KCNH8: variants seen among roughly 807,000 people sequenced by gnomAD.
KCNH8 encodes potassium voltage-gated channel subfamily H member 8.
A neutral mutation model predicts 103.6 loss-of-function variants in KCNH8; 70 were observed. The ratio of observed to expected loss-of-function variants is 0.68; its 90% CI spans 0.56 to 0.82. KCNH8 has a LOEUF of 0.82. Among genes scored for constraint, KCNH8 ranks in the 40% least tolerant of loss-of-function variants. The probability of loss-of-function intolerance (pLI) is 0.00; values close to 1 mark genes in which losing one functional copy is unlikely to be tolerated. For synonymous variants in KCNH8, 498 were observed against 489.4 expected (o/e 1.02, Z -0.23); for missense variants, 1,217 against 1,329.9 (o/e 0.92, Z 1.32).
intron 3 of KCNH8, among the ~76,000 whole-genome samples, chr3:19,315,994 A>G (rs2065268771): frequency 6.6e-6 from 1 of 152,058 alleles, no homozygotes; most frequent in Admixed American, 6.6e-5. Flanking sequence ...AAATTGAATT[A>G]TGTCTGATTG....
intron 1 of KCNH8, among the ~76,000 whole-genome samples, chr3:19,164,234 C>G (rs574411323): frequency 2.3e-4 from 35 of 152,254 alleles, no homozygotes; most frequent in Non-Finnish European, 4.9e-4. Flanking sequence ...CCAGAGAACC[C>G]TAAAGAGGCT....
At chr3:19,228,973 A>G (rs1036958868) in intron 1 of KCNH8, among the ~76,000 whole-genome samples, 2 of 152,260 alleles carry the variant, frequency 1.3e-5, no homozygotes, top group Non-Finnish European at 2.9e-5. Context: ...GGAACTCCAA[A>G]TCAGCATCTT....
chr3:19,243,973 G>A (rs1048393395), intron 1 of KCNH8, among the ~76,000 whole-genome samples: 2 of 152,110 alleles, frequency 1.3e-5, no homozygotes, highest in Non-Finnish European at 2.9e-5. Context: ...CTTTCAGTAG[G>A]CCAAATAAGA....
intron 11 of KCNH8, among the ~76,000 whole-genome samples, chr3:19,507,660 C>T (rs1479134848): frequency 1.3e-5 from 2 of 152,142 alleles, no homozygotes; most frequent in East Asian, 3.9e-4. Context: ...GTTGGAGTCC[C>T]AGGTCACAAG....
At chr3:19,435,124 T>A (rs1303661647) in intron 7 of KCNH8, among the ~76,000 whole-genome samples, 1 of 152,206 alleles carries the variant, frequency 6.6e-6, no homozygotes, top group Admixed American at 6.5e-5. Context: ...ATAACGTATA[T>A]GTATATCGAA....
Position 19,292,219 on chromosome 3 carries a change from G to A in KCNH8, c.442+10890G>A, listed in dbSNP as rs150850445. Among the ~76,000 whole-genome samples, 1,479 of 152,254 alleles carry A rather than the reference G, an allele frequency of 9.7e-3. 18 individuals carry two copies. Among genetic ancestry groups the A allele is most frequent in the Non-Finnish European group, 0.014 (965 of 68,024 alleles). ...TGGTTGATGCTGGCTTATTCATTATGTGATAACAACATCAGTTATCATAGA... is the reference window on the plus strand; with the variant it reads ...TGGTTGATGCTGGCTTATTCATTATATGATAACAACATCAGTTATCATAGA... On this transcript the variant is annotated intron_variant, in intron 3 of 15. Coordinates refer to ENST00000328405, the MANE Select transcript of KCNH8 (RefSeq NM_144633.3).
rs370077015 is a variant in KCNH8, at chr3:19,442,705, T to G, written c.1375+4344T>G. Among the ~76,000 whole-genome samples the G allele has an allele frequency of 2.0e-5, 3 of 152,330 alleles. No homozygotes were observed. The South Asian group carries it at 6.2e-4, about 32-fold the overall frequency. On this transcript the variant is annotated intron_variant, in intron 8 of 15. Transcript: ENST00000328405. ...AAAGTCAAATGCCATCTAAGTGACT[T>G]GAATTTATTAGTTAAAGCTTTTCAT...
intron 1 of KCNH8, among the ~76,000 whole-genome samples, chr3:19,237,713 T>A (rs1017702361): frequency 4.6e-5 from 7 of 152,194 alleles, no homozygotes; most frequent in Non-Finnish European, 8.8e-5. Context: ...GCAGTTAGTA[T>A]ATTAGCTCTG....
chr3:19,502,902 G>T (rs1321061631), intron 11 of KCNH8, among the ~76,000 whole-genome samples: 1 of 151,938 alleles, frequency 6.6e-6, no homozygotes, highest in African/African-American at 2.4e-5. Context: ...AAAAGCAATG[G>T]CAACAAAAGC....
At chr3:19,245,210 G>A (rs1268670210) in intron 1 of KCNH8, among the ~76,000 whole-genome samples, 1 of 152,102 alleles carries the variant, frequency 6.6e-6, no homozygotes, top group South Asian at 2.1e-4. Context: ...TTATTAAATA[G>A]GGGAGTCCCT....
intron 7 of KCNH8, among the ~76,000 whole-genome samples, chr3:19,400,869 G>T (rs143860325): frequency 6.6e-6 from 1 of 151,900 alleles, no homozygotes; most frequent in Non-Finnish European, 1.5e-5. Flanking sequence ...TAACTGCATC[G>T]GTTTTCCTAA....
intron 7 of KCNH8, among the ~76,000 whole-genome samples, chr3:19,434,993 G>T (rs1015054402): frequency 6.6e-6 from 1 of 151,756 alleles, no homozygotes; most frequent in African/African-American, 2.4e-5. Flanking sequence ...GGTTAATAAT[G>T]TATTTAAAAC....
chr3:19,480,315 A>G (rs903137040), intron 11 of KCNH8, among the ~76,000 whole-genome samples: 2 of 152,112 alleles, frequency 1.3e-5, no homozygotes, highest in African/African-American at 4.8e-5. Flanking sequence ...GGACTGAAAA[A>G]CCACTCAAAA....
At chr3:19,473,259 G>A (rs1007851392) in intron 11 of KCNH8, among the ~76,000 whole-genome samples, 2 of 152,220 alleles carry the variant, frequency 1.3e-5, no homozygotes, top group Non-Finnish European at 2.9e-5. Flanking sequence ...ATAACATTCA[G>A]TTTAATTTTC....
intron 15 of KCNH8, among the ~76,000 whole-genome samples, chr3:19,518,291 T>G (rs955988733): frequency 2.0e-5 from 3 of 152,176 alleles, no homozygotes. Flanking sequence ...AAGGGAAGAA[T>G]AATAATGCCT....
At chr3:19,206,496 A>C (rs2063718406) in intron 1 of KCNH8, among the ~76,000 whole-genome samples, 1 of 151,810 alleles carries the variant, frequency 6.6e-6, no homozygotes. Flanking sequence ...AAGACAATTA[A>C]AATGGTTCTA....
At chr3:19,493,651 A>G (rs1235631297) in intron 11 of KCNH8, among the ~76,000 whole-genome samples, 1 of 152,128 alleles carries the variant, frequency 6.6e-6, no homozygotes, top group East Asian at 1.9e-4. Flanking sequence ...TGGCAAATAC[A>G]GCATCTTTCT....
intron 3 of KCNH8, among the ~76,000 whole-genome samples, chr3:19,292,666 C>CAGG (rs1048946827): frequency 2.0e-5 from 3 of 152,174 alleles, no homozygotes; most frequent in African/African-American, 7.2e-5. Context: ...GGTGGGCACT[C>CAGG]AGGCTCTTTT....
At chr3:19,243,689 T>C (rs1198397333) in intron 1 of KCNH8, among the ~76,000 whole-genome samples, 3 of 152,184 alleles carry the variant, frequency 2.0e-5, no homozygotes, top group African/African-American at 7.2e-5. Flanking sequence ...AAAATTCAAA[T>C]TTAAAAGACC....
Sources: gnomAD v4.1 joint callset for allele counts (sites outside exome capture counted in the v4.1 genomes callset) on GRCh38, gnomAD v4.1.1 for gene constraint, MANE v1.5 for transcripts, NCBI Gene and HGNC (gene_info 2026-07-23, HGNC 2026-07-21) for gene names.